GYS2: variants seen among roughly 807,000 people sequenced by gnomAD.
GYS2 encodes the protein glycogen synthase 2.
In GYS2, 80 loss-of-function variants were observed where a neutral mutation model predicts 85.6. That is an observed-to-expected ratio of 0.93 (90% CI 0.78 to 1.13). The LOEUF is 1.13. Ranked by LOEUF, GYS2 falls within the 50% of genes most tolerant of loss-of-function variation. The pLI, the probability that GYS2 is intolerant of heterozygous loss-of-function variation, is 0.00. For synonymous variants in GYS2, 328 were observed against 300.7 expected, an observed-to-expected ratio of 1.09 and a Z score of -0.94; for missense variants, 881 against 854.9, an observed-to-expected ratio of 1.03 and a Z score of -0.38.
At chr12:21,581,581 A>G (rs1026065466) in intron 1 of GYS2, among the ~76,000 whole-genome samples, 8 of 152,188 alleles carry the variant, frequency 5.3e-5, no homozygotes, top group Non-Finnish European at 1.2e-4. Context: ...GGGGTTTTGT[A>G]TGCAGCTTGT....
intron 5 of GYS2, among the ~76,000 whole-genome samples, chr12:21,567,919 A>G (rs557846656): frequency 6.6e-6 from 1 of 152,140 alleles, no homozygotes; most frequent in South Asian, 2.1e-4. Flanking sequence ...CTAAAAATAC[A>G]AAAATTAGCT....
At chr12:21,579,493 A>G (rs1173684121) in intron 2 of GYS2, among the ~76,000 whole-genome samples, 3 of 151,534 alleles carry the variant, frequency 2.0e-5, no homozygotes, top group Admixed American at 6.6e-5. Flanking sequence ...AGCTGGGACT[A>G]CAGGTGCCTG....
At chr12:21,569,112 TA>T in intron 4 of GYS2, 103 bp from the exon 5 acceptor site, 2 of 1,158,564 alleles carry the variant, frequency 1.7e-6, no homozygotes. Flanking sequence ...CAAGGCTGTG[TA>T]AAAATTTATG....
intron 5 of GYS2, among the ~76,000 whole-genome samples, chr12:21,568,096 G>C (rs76738767): frequency 1.1e-4 from 16 of 151,848 alleles, no homozygotes; most frequent in African/African-American, 3.9e-4. Flanking sequence ...AAAAGGGGTC[G>C]AAATCACTGT....
chr12:21,565,478 T>C (rs1490024303), intron 5 of GYS2, among the ~76,000 whole-genome samples: 1 of 144,698 alleles, frequency 6.9e-6, no homozygotes, highest in Non-Finnish European at 1.5e-5. Context: ...TTTAGGTTAT[T>C]TGTATGTAAT....
chr12:21,576,582 T>A (rs1206476730), intron 2 of GYS2, among the ~76,000 whole-genome samples: 1 of 152,208 alleles, frequency 6.6e-6, no homozygotes, highest in East Asian at 1.9e-4. Flanking sequence ...TGTTTCCCAG[T>A]ATGGTTGCTG....
chr12:21,542,055 T>G (rs1306945775), intron 13 of GYS2, among the ~76,000 whole-genome samples: 2 of 151,696 alleles, frequency 1.3e-5, no homozygotes, highest in Non-Finnish European at 2.9e-5. Context: ...AAATCTACTT[T>G]TTTTTTTTAT....
intron 4 of GYS2, among the ~76,000 whole-genome samples, chr12:21,573,922 G>T (rs1011804084): frequency 2.4e-4 from 37 of 152,200 alleles, no homozygotes; most frequent in African/African-American, 8.4e-4. Flanking sequence ...AAGTGGGACA[G>T]AAATCAGGCC....
chr12:21,580,545 C>T (rs1351311700), intron 1 of GYS2, 22 bp from the exon 2 acceptor site: 2 of 1,585,970 alleles, frequency 1.3e-6, no homozygotes, highest in Non-Finnish European at 1.7e-6. Context: ...AAAAAAGTTT[C>T]TATTATCATT....
Position 21,536,137 on chromosome 12 carries a change from T to C in GYS2, c.*817A>G, listed in dbSNP as rs1943907997. ...ATTCAATATTAATGTGTTTATTTAC[T>C]TGGATTTAACAACTTATCATCTATG... is the stretch of plus-strand genomic sequence containing the variant. On this transcript the variant is annotated 3_prime_UTR_variant, in exon 16 of 16. Transcript: ENST00000261195. The C allele has an allele frequency of 6.6e-6, 1 of 152,210 alleles. No homozygotes were observed. The highest frequency in any genetic ancestry group is 1.5e-5 in the Non-Finnish European group (1 of 68,036). 9.4% of individuals were successfully genotyped at this position (152,210 alleles called of 1,614,324 possible).
chr12:21,551,861 G>C (rs1029744908), intron 11 of GYS2, among the ~76,000 whole-genome samples: 6 of 152,176 alleles, frequency 3.9e-5, no homozygotes, highest in Non-Finnish European at 5.9e-5. Context: ...GAACAAGAAA[G>C]GGGGATTTGA....
In GYS2 at chr12:21,536,522, A is replaced by C; in HGVS notation, c.*432T>G. ...CAGTAAAAACCTAGCTATTTAAAAA[A>C]TGTAGGTAGTGCACATTCATGGGTA... On this transcript the variant is annotated 3_prime_UTR_variant, in exon 16 of 16. Transcript: ENST00000261195. The C allele has an allele frequency of 5.0e-6, 1 of 201,396 alleles. No homozygotes were observed. Among genetic ancestry groups the C allele is most frequent in the Non-Finnish European group, 1.0e-5 (1 of 99,032 alleles). 12.5% of individuals were successfully genotyped at this position (201,396 alleles called of 1,614,324 possible). A position where few individuals can be genotyped will look rare whatever the true frequency, so the allele number is the denominator to read the frequency against.
At chr12:21,594,699 C>T (rs11046132) in intron 1 of GYS2, among the ~76,000 whole-genome samples, 4 of 151,822 alleles carry the variant, frequency 2.6e-5, no homozygotes, top group Admixed American at 6.6e-5. Context: ...TCTATATGAC[C>T]GCTATCAAAA....
chr12:21,597,138 T>C lies in GYS2; in HGVS notation c.121+7334A>G, dbSNP rs76816914. Among the ~76,000 whole-genome samples, 21 of 152,250 alleles carry C rather than the reference T, an allele frequency of 1.4e-4. No individual in the cohort carries two copies. The East Asian group carries it at 3.3e-3, about 24-fold the overall frequency. On this transcript the variant is annotated intron_variant, in intron 1 of 15. Transcript: ENST00000261195. ...AACATAAGGGAGACACTTCAAGACA[T>C]GGCTTTGGGCAAAGATTTTATGGCC...
At chr12:21,545,184 T>G (rs1944023890) in intron 12 of GYS2, among the ~76,000 whole-genome samples, 2 of 152,198 alleles carry the variant, frequency 1.3e-5, no homozygotes, top group African/African-American at 4.8e-5. Flanking sequence ...GGCTCACGTC[T>G]ATAATCCCAC....
chr12:21,570,312 A>G (rs1192948607), intron 4 of GYS2, among the ~76,000 whole-genome samples: 1 of 152,230 alleles, frequency 6.6e-6, no homozygotes, highest in Non-Finnish European at 1.5e-5. Flanking sequence ...ATTTATGTGT[A>G]TCTATTAACT....
chr12:21,557,417 A>G (rs1029980870), intron 11 of GYS2, among the ~76,000 whole-genome samples: 1 of 152,200 alleles, frequency 6.6e-6, no homozygotes, highest in Non-Finnish European at 1.5e-5. Context: ...TGGAAACTCA[A>G]GTCAAAAGAA....
At chr12:21,559,489 T>C (rs1380608182) in intron 9 of GYS2, among the ~76,000 whole-genome samples, 162 bp downstream of exon 9, 1 of 152,190 alleles carries the variant, frequency 6.6e-6, no homozygotes, top group African/African-American at 2.4e-5. Context: ...ACAAGTTTTG[T>C]CAAATGAAGG....
At chr12:21,574,626 AT>A (rs549565097) in intron 3 of GYS2, among the ~76,000 whole-genome samples, 3 of 152,148 alleles carry the variant, frequency 2.0e-5, no homozygotes, top group Non-Finnish European at 4.4e-5. Flanking sequence ...AATGGAATAA[AT>A]GCAAAGTAGG....
Sources: allele counts gnomAD v4.1 joint callset (sites outside exome capture counted in the v4.1 genomes callset), GRCh38; gene constraint gnomAD v4.1.1; transcripts MANE v1.5; gene names NCBI Gene and HGNC (gene_info 2026-07-23, HGNC 2026-07-21).